HACD4: variants seen among roughly 807,000 people sequenced by gnomAD.
HACD4 encodes the protein 3-hydroxyacyl-CoA dehydratase 4, also known as very-long-chain (3R)-3-hydroxyacyl-CoA dehydratase 4.
HACD4 carries 35 observed loss-of-function variants against 33.3 expected under a neutral mutation model. The observed-to-expected ratio is 1.05, with a 90% CI of 0.80 to 1.39. The LOEUF is 1.39. Ranked by LOEUF, HACD4 falls within the 40% of genes most tolerant of loss-of-function variation. The probability of loss-of-function intolerance (pLI) is 0.00; values close to 1 mark genes in which losing one functional copy is unlikely to be tolerated. For missense variants in HACD4, 323 were observed against 276.5 expected (o/e 1.17, Z -1.19); for synonymous variants, 118 against 98.0 (o/e 1.20, Z -1.21).
rs376677403 is a variant in HACD4, at chr9:21,005,366, G to A, written c.*1671C>T. 14 of 152,284 alleles carry A rather than the reference G, an allele frequency of 9.2e-5. No homozygotes were observed. The East Asian group carries it at 1.5e-3, about 17-fold the overall frequency. The allele number at this position is 152,284 out of a possible 1,614,324, so 9.4% of individuals were successfully genotyped here. On this transcript the variant is annotated 3_prime_UTR_variant, in exon 7 of 7. Coordinates refer to ENST00000495827, the MANE Select transcript of HACD4 (RefSeq NM_001010915.5). This position sits in a 1 kb window ranked among gnomAD's most constrained non-coding sequence, Gnocchi z 4.0. ...GCATTACAAAAAGATAAGAAAACAC[G>A]TTTGGTAGAGAACACTAAGAGTGTA... is the stretch of plus-strand genomic sequence containing the variant.
Position 21,026,605 on chromosome 9 carries a change from C to T in HACD4, c.261G>A (p.Arg87=). The change falls in exon 3 of 7, where the codon AGG becomes AGA. Residue 87 remains arginine (R), a synonymous_variant. Transcript: ENST00000495827. The part of the protein sequence containing the change: ...VGIESNHLLP[R]FLQLTERIII... ...TGTGATTCAAACCTACCTGCAAAAA[C>T]CTTGGGAGAAGATGGTTTGACTCAA... 3 of 1,610,808 alleles carry T rather than the reference C, an allele frequency of 1.9e-6. No individual in the cohort carries two copies. Among genetic ancestry groups the T allele is most frequent in the Non-Finnish European group, 2.5e-6 (3 of 1,178,546 alleles).
rs751631348 is a variant in HACD4 at position 21,015,893 on chromosome 9, C to G, written c.383+5G>C. ...TTGTTTTAAGAGATTATTTTGCCTT[C>G]TTACCTAACCATATCCAATAGATTC... On this transcript the variant is annotated splice_donor_5th_base_variant and intron_variant, in intron 4 of 6. Coordinates refer to ENST00000495827, the MANE Select transcript of HACD4 (RefSeq NM_001010915.5). 1 of 1,590,318 alleles carries G rather than the reference C, an allele frequency of 6.3e-7. No individual in the cohort carries two copies. The highest frequency in any genetic ancestry group is 1.1e-5 in the South Asian group (1 of 90,426).
intron 1 of HACD4, chr9:21,031,296 G>A (rs529629821): frequency 1.6e-5 from 4 of 247,576 alleles, no homozygotes; most frequent in African/African-American, 9.2e-5. Context: ...GGCTCACAAG[G>A]GCAGGGGTAG....
intron 2 of HACD4, among the ~76,000 whole-genome samples, chr9:21,027,092 C>G (rs982237265): frequency 6.6e-6 from 1 of 152,152 alleles, no homozygotes; most frequent in Non-Finnish European, 1.5e-5. Context: ...GTTAAGGACA[C>G]TATGTGCTCA....
chr9:21,020,550 T>A (rs1817882424), intron 3 of HACD4, among the ~76,000 whole-genome samples: 1 of 152,200 alleles, frequency 6.6e-6, no homozygotes, highest in Non-Finnish European at 1.5e-5. Flanking sequence ...TTGATTAAAT[T>A]TACTGAAATC....
intron 2 of HACD4, among the ~76,000 whole-genome samples, chr9:21,027,944 G>A (rs1818105104): frequency 6.6e-6 from 1 of 152,020 alleles, no homozygotes; most frequent in Non-Finnish European, 1.5e-5. Flanking sequence ...ATACCAGCCT[G>A]GCCAATGTGG....
At chr9:21,026,575 T>C (rs1818065621) in intron 3 of HACD4, 21 bp downstream of exon 3, 1 of 1,588,304 alleles carries the variant, frequency 6.3e-7, no homozygotes, top group Non-Finnish European at 8.6e-7. Context: ...GATTCTATAA[T>C]AATATGTGAT....
intron 3 of HACD4, among the ~76,000 whole-genome samples, chr9:21,016,512 T>G (rs2132782245): frequency 6.6e-6 from 1 of 152,278 alleles, no homozygotes; most frequent in Middle Eastern, 3.4e-3. Flanking sequence ...TCATCCAAGT[T>G]GGATCTTGAA....
At chr9:21,007,826 G>A (rs1587823672) in intron 6 of HACD4, among the ~76,000 whole-genome samples, 195 bp downstream of exon 6, 2 of 152,256 alleles carry the variant, frequency 1.3e-5, no homozygotes, top group East Asian at 3.9e-4. Context: ...CAGTGAAAGT[G>A]AAATATATGA....
Position 21,011,642 on chromosome 9 carries a change from C to T in HACD4, c.437G>A (p.Trp146Ter). 1 of 1,611,994 alleles carries T rather than the reference C, an allele frequency of 6.2e-7. No homozygotes were observed. The highest frequency in any genetic ancestry group is 8.5e-7 in the Non-Finnish European group (1 of 1,178,392). The change falls in exon 5 of 7, where the codon TGG becomes TAG. Residue 146 changes from tryptophan (W) to a stop codon, truncating the protein, a stop_gained. Transcript: ENST00000495827. LOFTEE classifies it high-confidence loss of function. Reference sequence around the variant, plus strand: ...TGGCATCCATAGTGTTTGACTGAGCCATGTCAAGACAGCATAGGATATTCC... The same window carrying T: ...TGGCATCCATAGTGTTTGACTGAGCTATGTCAAGACAGCATAGGATATTCC... ...VIGISYAVLTWLSQTLWMPIY... is the reference protein window; with the variant it reads ...VIGISYAVLT
intron 4 of HACD4, among the ~76,000 whole-genome samples, chr9:21,014,176 G>A (rs1172083803): frequency 6.6e-6 from 1 of 151,864 alleles, no homozygotes; most frequent in Non-Finnish European, 1.5e-5. Context: ...TTTTACAGAG[G>A]AAAAAAAAGT....
chr9:21,019,823 C>A (rs961755824), intron 3 of HACD4, among the ~76,000 whole-genome samples: 17 of 151,882 alleles, frequency 1.1e-4, no homozygotes, highest in Non-Finnish European at 1.5e-5. Context: ...CTATTCCAAG[C>A]TCAAAACTGG....
rs2132772173 is a variant in HACD4, at chr9:21,011,502, G to C, written c.490+87C>G. ...AGTGAGCTAAGCATTCGCAAAAATA[G>C]TAATTTAATCATCAAAAAATTTAGT... On this transcript the variant is annotated intron_variant, in intron 5 of 6. Transcript: ENST00000495827. The C allele has an allele frequency of 6.3e-6, 5 of 798,502 alleles. No homozygotes were observed. The South Asian group carries it at 7.2e-5, about 12-fold the overall frequency. The allele number at this position is 798,502 out of a possible 1,614,324, so 49.5% of individuals were successfully genotyped here.
In HACD4 at chr9:21,002,255, C is replaced by G. The variant is rs944621308; in HGVS notation, c.*4782G>C. ...AAGAACTGAGAAAGATACTTAAATG[C>G]TTCACTATAAAAAAGTAAACTACAC... On this transcript the variant is annotated 3_prime_UTR_variant, in exon 7 of 7. Coordinates refer to ENST00000495827, the MANE Select transcript of HACD4 (RefSeq NM_001010915.5). 6.6e-6 allele frequency: 1 copy of G among 151,986 alleles called. No homozygotes were observed. The highest frequency in any genetic ancestry group is 1.5e-5 in the Non-Finnish European group (1 of 67,968). 9.4% of individuals were successfully genotyped at this position (151,986 alleles called of 1,614,324 possible).
At chr9:21,025,260 T>A (rs1818032156) in intron 3 of HACD4, among the ~76,000 whole-genome samples, 1 of 152,202 alleles carries the variant, frequency 6.6e-6, no homozygotes. Context: ...AAATTTAAAA[T>A]ATTCCATAAA....
At chr9:21,007,690 A>G (rs1281232263) in intron 6 of HACD4, among the ~76,000 whole-genome samples, 2 of 152,336 alleles carry the variant, frequency 1.3e-5, no homozygotes, top group East Asian at 3.9e-4. Flanking sequence ...AACATCAGAA[A>G]TAGCCAATTC....
At chr9:21,027,452 T>C (rs897613892) in intron 2 of HACD4, among the ~76,000 whole-genome samples, 6 of 152,246 alleles carry the variant, frequency 3.9e-5, no homozygotes, top group African/African-American at 1.4e-4. Context: ...GATTTTGCTC[T>C]CTTTACTGCC....
chr9:21,024,216 TAAAAG>T (rs769881978), intron 3 of HACD4, among the ~76,000 whole-genome samples: 1 of 152,138 alleles, frequency 6.6e-6, no homozygotes, highest in Non-Finnish European at 1.5e-5. Context: ...GATAAATTAA[TAAAAG>T]AAATAGGGGC....
chr9:21,026,527 A>G, intron 3 of HACD4, 69 bp downstream of exon 3: 2 of 1,327,994 alleles, frequency 1.5e-6, no homozygotes, highest in Non-Finnish European at 2.1e-6. Flanking sequence ...CATAAAGTCA[A>G]GAGAAGCTTT....
Sources: gnomAD v4.1 joint callset for allele counts (sites outside exome capture counted in the v4.1 genomes callset) on GRCh38, gnomAD v4.1.1 for gene constraint, Gnocchi (gnomAD v3.1) non-coding constraint, MANE v1.5 for transcripts, NCBI Gene and HGNC (gene_info 2026-07-23, HGNC 2026-07-21) for gene names.